Variants in TMTC2 observed in about 807,000 individuals in gnomAD.
The protein encoded by TMTC2 is protein O-mannosyl-transferase TMTC2.
A neutral mutation model predicts 82.4 loss-of-function variants in TMTC2; 43 were observed. The observed-to-expected ratio is 0.52, with a 90% CI of 0.41 to 0.67. The LOEUF (loss-of-function observed/expected upper bound fraction) is 0.67, where lower values mean the gene tolerates loss of function less well. TMTC2 is among the 30% of genes least tolerant of loss of function. TMTC2 has a pLI of 0.00. For missense variants in TMTC2, 919 were observed against 1,012.4 expected, an observed-to-expected ratio of 0.91 and a Z score of 1.25; for synonymous variants, 408 against 381.9, an observed-to-expected ratio of 1.07 and a Z score of -0.80.
chr12:82,798,032 G>C (rs1314250443), intron 1 of TMTC2, among the ~76,000 whole-genome samples: 3 of 148,028 alleles, frequency 2.0e-5, no homozygotes, highest in East Asian at 4.1e-4. Flanking sequence ...CCGCCTCCCA[G>C]GTTCACACCA....
intron 1 of TMTC2, among the ~76,000 whole-genome samples, chr12:82,798,303 G>C (rs1878821527): frequency 6.8e-6 from 1 of 147,664 alleles, no homozygotes; most frequent in Admixed American, 6.7e-5. Flanking sequence ...CGGGTGTGGT[G>C]GCTCACGCCT....
intron 1 of TMTC2, among the ~76,000 whole-genome samples, chr12:82,735,299 T>A (rs1875026888): frequency 1.3e-5 from 2 of 152,130 alleles, no homozygotes; most frequent in Admixed American, 6.5e-5. Flanking sequence ...AAAGGAAAAG[T>A]CAGTGATACT....
chr12:83,031,795 A>G (rs185636681), intron 9 of TMTC2, among the ~76,000 whole-genome samples: 10 of 152,340 alleles, frequency 6.6e-5, no homozygotes, highest in Admixed American at 2.6e-4. Flanking sequence ...GAATGGAAAT[A>G]ATAAAATAAT....
chr12:83,011,583 T>C (rs1880461329), intron 8 of TMTC2, among the ~76,000 whole-genome samples: 1 of 152,222 alleles, frequency 6.6e-6, no homozygotes, highest in African/African-American at 2.4e-5. Context: ...CAACCATCAT[T>C]GCCCACAGTA....
chr12:82,966,380 C>G (rs1014841753), intron 6 of TMTC2, among the ~76,000 whole-genome samples: 2 of 152,054 alleles, frequency 1.3e-5, no homozygotes, highest in Non-Finnish European at 2.9e-5. Flanking sequence ...CCCTCTCTCC[C>G]CTTCAAACTG....
intron 1 of TMTC2, among the ~76,000 whole-genome samples, chr12:82,764,147 C>CT (rs1358891449): frequency 1.3e-5 from 2 of 151,896 alleles, no homozygotes; most frequent in Non-Finnish European, 2.9e-5. Context: ...CACATACACA[C>CT]TTTTTTTTGA....
chr12:82,928,790 G>A (rs2137240134), intron 3 of TMTC2, among the ~76,000 whole-genome samples: 1 of 152,276 alleles, frequency 6.6e-6, no homozygotes, highest in South Asian at 2.1e-4. Flanking sequence ...CAAGTGTGTG[G>A]CATGGTACAT....
intron 2 of TMTC2, among the ~76,000 whole-genome samples, chr12:82,863,739 A>G (rs1436578640): frequency 1.3e-5 from 2 of 152,234 alleles, no homozygotes; most frequent in African/African-American, 4.8e-5. Context: ...TTCACAAATT[A>G]TCATTAAAAA....
chr12:83,113,594 AC>A (rs1367878766), intron 11 of TMTC2, among the ~76,000 whole-genome samples: 4 of 152,214 alleles, frequency 2.6e-5, no homozygotes, highest in Non-Finnish European at 5.9e-5. Context: ...TACATTTTCA[AC>A]AGGCATAACA....
intron 4 of TMTC2, among the ~76,000 whole-genome samples, chr12:82,931,124 G>A (rs938079899): frequency 3.3e-5 from 5 of 151,964 alleles, no homozygotes; most frequent in African/African-American, 1.2e-4. Context: ...TGCCCAGACT[G>A]GTGCCTAACT....
intron 8 of TMTC2, among the ~76,000 whole-genome samples, chr12:83,021,412 C>T (rs1007730257): frequency 1.1e-4 from 17 of 152,014 alleles, no homozygotes; most frequent in African/African-American, 4.1e-4. Context: ...CTGCATTCAC[C>T]CATGTACAGC....
At chr12:82,690,149 A>G (rs917172671) in intron 1 of TMTC2, among the ~76,000 whole-genome samples, 1 of 152,206 alleles carries the variant, frequency 6.6e-6, no homozygotes, top group African/African-American at 2.4e-5. Flanking sequence ...CTATCTAACT[A>G]CTGTAACTCA....
At chr12:82,763,775 A>T (rs1478834475) in intron 1 of TMTC2, among the ~76,000 whole-genome samples, 1 of 152,210 alleles carries the variant, frequency 6.6e-6, no homozygotes, top group East Asian at 1.9e-4. Context: ...TTTAAAGAGA[A>T]CCAAGCTAAT....
chr12:82,803,546 G>C (rs551904997), intron 1 of TMTC2, among the ~76,000 whole-genome samples: 1 of 152,178 alleles, frequency 6.6e-6, no homozygotes, highest in Admixed American at 6.5e-5. Context: ...TGGCAGCTCA[G>C]GAATTGGATG....
chr12:82,965,245 C>A, intron 5 of TMTC2, 136 bp downstream of exon 5: 3 of 676,980 alleles, frequency 4.4e-6, no homozygotes, highest in South Asian at 2.1e-5. Flanking sequence ...GAACCTCTAA[C>A]AATTATATCT....
chr12:83,012,695 T>C (rs1682602), intron 8 of TMTC2, among the ~76,000 whole-genome samples: 119,103 of 152,056 alleles, frequency 0.78, 47,691 homozygotes, highest in South Asian at 0.93. Context: ...TTTGCTCTGA[T>C]AGTCTTGGAA....
intron 2 of TMTC2, among the ~76,000 whole-genome samples, chr12:82,886,007 A>G (rs1381779010): frequency 6.6e-6 from 1 of 152,090 alleles, no homozygotes. Context: ...TCATTTATTT[A>G]TTTTTTGTAT....
intron 1 of TMTC2, among the ~76,000 whole-genome samples, chr12:82,730,309 A>AAG (rs1592881886): frequency 6.6e-6 from 1 of 151,164 alleles, no homozygotes; most frequent in East Asian, 1.9e-4. Flanking sequence ...AAAAAAAAAA[A>AAG]AAAAAAAGCA....
At chr12:82,716,271 A>T (rs994845527) in intron 1 of TMTC2, among the ~76,000 whole-genome samples, 1 of 152,064 alleles carries the variant, frequency 6.6e-6, no homozygotes, top group African/African-American at 2.4e-5. Flanking sequence ...GCTTGCTGGT[A>T]GCAGAATTAA....
Sources: gnomAD v4.1 joint callset for allele counts (sites outside exome capture counted in the v4.1 genomes callset) on GRCh38, gnomAD v4.1.1 for gene constraint, MANE v1.5 for transcripts, NCBI Gene and HGNC (gene_info 2026-07-23, HGNC 2026-07-21) for gene names.